AGBL4: variants seen among roughly 807,000 people sequenced by gnomAD.
The protein encoded by AGBL4 is AGBL carboxypeptidase 4, also known as cytosolic carboxypeptidase 6.
AGBL4 carries 58 observed loss-of-function variants against 66.4 expected under a neutral mutation model. The observed-to-expected ratio is 0.87, with a 90% confidence interval of 0.71 to 1.09. The LOEUF (loss-of-function observed/expected upper bound fraction) is 1.09. AGBL4 is among the 50% of genes least tolerant of loss of function. AGBL4 has a pLI of 0.00. For missense variants in AGBL4, 579 were observed against 631.0 expected, an observed-to-expected ratio of 0.92 and a Z score of 0.88; for synonymous variants, 234 against 222.9, an observed-to-expected ratio of 1.05 and a Z score of -0.44.
At chr1:49,510,448 AATTTGTTTG>A (rs1372031882) in intron 3 of AGBL4, among the ~76,000 whole-genome samples, 1 of 148,782 alleles carries the variant, frequency 6.7e-6, no homozygotes, top group East Asian at 2.0e-4. Flanking sequence ...TTTTCTTGTA[AATTTGTTTG>A]AGTTCATTGT....
At chr1:49,573,882 G>C (rs1251738973) in intron 3 of AGBL4, among the ~76,000 whole-genome samples, 3 of 152,012 alleles carry the variant, frequency 2.0e-5, no homozygotes, top group Non-Finnish European at 4.4e-5. Flanking sequence ...AATCTTTTTT[G>C]CCAGAAGGAA....
intron 1 of AGBL4, among the ~76,000 whole-genome samples, chr1:49,901,379 G>T (rs919589951): frequency 3.3e-5 from 5 of 152,068 alleles, no homozygotes; most frequent in African/African-American, 1.2e-4. Context: ...AAAATCACTG[G>T]CATTCCTATA....
chr1:48,759,106 C>A, intron 6 of AGBL4: 1 of 1,611,616 alleles, frequency 6.2e-7, no homozygotes, highest in South Asian at 1.1e-5. Context: ...ATACAGAGCC[C>A]GGGGCACCAC....
intron 5 of AGBL4, among the ~76,000 whole-genome samples, chr1:49,006,831 GA>G (rs1231292886): frequency 5.7e-4 from 86 of 149,916 alleles, no homozygotes; most frequent in Non-Finnish European, 7.4e-4. Context: ...CTGTTAGAAG[GA>G]AAACTAACAA....
At chr1:48,705,472 T>A (rs1032857073) in intron 6 of AGBL4, among the ~76,000 whole-genome samples, 2 of 152,212 alleles carry the variant, frequency 1.3e-5, no homozygotes, top group African/African-American at 2.4e-5. Flanking sequence ...GTACTAAGCA[T>A]TTCACATACA....
At chr1:49,140,398 T>C (rs945223033) in intron 4 of AGBL4, among the ~76,000 whole-genome samples, 1 of 152,200 alleles carries the variant, frequency 6.6e-6, no homozygotes, top group African/African-American at 2.4e-5. Flanking sequence ...GTTCAACATC[T>C]CTGGCTTCTT....
chr1:49,774,859 G>A (rs140420312), intron 2 of AGBL4, among the ~76,000 whole-genome samples: 3 of 152,066 alleles, frequency 2.0e-5, no homozygotes, highest in Non-Finnish European at 4.4e-5. Flanking sequence ...CATACCCTTT[G>A]ACTCAGCAAC....
rs564316115 is a variant in AGBL4 at position 49,347,340 on chromosome 1, C to T, written c.283-101476G>A. 6.0e-5 allele frequency among the ~76,000 whole-genome samples: 9 copies of T among 151,066 alleles called. No individual in the cohort carries two copies. The South Asian group carries it at 1.9e-3, about 32-fold the overall frequency. On this transcript the variant is annotated intron_variant, in intron 3 of 13. Transcript: ENST00000371839. The stretch of plus-strand genomic sequence containing the variant: ...GATCTCAGCTCACTGCAAGCTCTGC[C>T]ACCCGGGTTCATGCCATTCTCCTGC...
chr1:49,729,951 T>C (rs1313130478), intron 2 of AGBL4, among the ~76,000 whole-genome samples: 4 of 152,064 alleles, frequency 2.6e-5, no homozygotes, highest in Non-Finnish European at 4.4e-5. Flanking sequence ...ATAGAGTCCA[T>C]GACCCGAGTG....
At chr1:49,406,548 TA>T (rs913341171) in intron 3 of AGBL4, among the ~76,000 whole-genome samples, 1 of 152,208 alleles carries the variant, frequency 6.6e-6, no homozygotes, top group Admixed American at 6.5e-5. Context: ...ATGTAGTTTT[TA>T]TATATTTTAG....
chr1:48,814,609 C>CTTT (rs10708061), intron 6 of AGBL4, among the ~76,000 whole-genome samples: 1 of 131,658 alleles, frequency 7.6e-6, no homozygotes, highest in Admixed American at 7.6e-5. Context: ...ATGAGATCAA[C>CTTT]TTTTTTTTTT....
chr1:48,959,430 A>G (rs1657770062), intron 5 of AGBL4, among the ~76,000 whole-genome samples: 1 of 152,216 alleles, frequency 6.6e-6, no homozygotes, highest in Admixed American at 6.5e-5. Context: ...TGTTTGGGGC[A>G]CTAGAAATAT....
rs369899487 is a variant in AGBL4 at position 49,921,931 on chromosome 1, C to T, written c.35-70413G>A. Among the ~76,000 whole-genome samples the T allele has an allele frequency of 3.3e-4, 50 of 152,206 alleles. 1 individual carries two copies. The South Asian group carries it at 9.5e-3, about 29-fold the overall frequency. On this transcript the variant is annotated intron_variant, in intron 1 of 13. Coordinates refer to ENST00000371839, the MANE Select transcript of AGBL4 (RefSeq NM_032785.4). ...TCCTCTGGCAACACCCTCACTAATA[C>T]AACCAAAAAAATACTTTACCAGCTA...
At chr1:48,722,659 G>T (rs750400447) in intron 6 of AGBL4, among the ~76,000 whole-genome samples, 1 of 152,154 alleles carries the variant, frequency 6.6e-6, no homozygotes, top group Non-Finnish European at 1.5e-5. Flanking sequence ...AGAGAATAGA[G>T]GACTGGTAAC....
intron 5 of AGBL4, among the ~76,000 whole-genome samples, chr1:48,923,041 A>T (rs1654224869): frequency 6.7e-6 from 1 of 150,282 alleles, no homozygotes; most frequent in Admixed American, 6.6e-5. Flanking sequence ...TTCTGTATGC[A>T]CAAAATCTTC....
At chr1:48,610,577 G>C (rs927275858) in intron 9 of AGBL4, among the ~76,000 whole-genome samples, 3 of 151,984 alleles carry the variant, frequency 2.0e-5, no homozygotes, top group African/African-American at 7.2e-5. Flanking sequence ...GTTGTTAAGG[G>C]GCCACTTTGT....
At chr1:49,334,537 C>T (rs533211824) in intron 3 of AGBL4, among the ~76,000 whole-genome samples, 71 of 152,200 alleles carry the variant, frequency 4.7e-4, no homozygotes, top group African/African-American at 1.2e-3. Flanking sequence ...CCAGCTAATC[C>T]GAGTGTTAGC....
intron 2 of AGBL4, among the ~76,000 whole-genome samples, chr1:49,750,863 G>T (rs1385135376): frequency 3.3e-5 from 5 of 152,256 alleles, no homozygotes; most frequent in African/African-American, 1.2e-4. Context: ...GTGATTGAGA[G>T]TTCACTCATG....
intron 1 of AGBL4, among the ~76,000 whole-genome samples, chr1:49,879,699 C>T (rs1344555214): frequency 4.7e-5 from 6 of 127,748 alleles, no homozygotes; most frequent in East Asian, 2.1e-4. Flanking sequence ...TGAATCTGAA[C>T]GTTGGCCTGC....
Sources: allele counts gnomAD v4.1 joint callset (sites outside exome capture counted in the v4.1 genomes callset), GRCh38; gene constraint gnomAD v4.1.1; transcripts MANE v1.5; gene names NCBI Gene and HGNC (gene_info 2026-07-23, HGNC 2026-07-21).